Variants in R3HDM1 observed in about 807,000 individuals in gnomAD.
R3HDM1 encodes R3H domain containing 1, also known as R3H domain-containing protein 1.
In R3HDM1, 46 loss-of-function variants were observed where a neutral mutation model predicts 141.1. The ratio of observed to expected loss-of-function variants is 0.33; its 90% confidence interval spans 0.26 to 0.42. The LOEUF (loss-of-function observed/expected upper bound fraction) is 0.42, where lower values mean the gene tolerates loss of function less well. Among genes scored for constraint, R3HDM1 ranks in the 10% least tolerant of loss-of-function variants. The probability of loss-of-function intolerance (pLI) is 1.00; values close to 1 mark genes in which losing one functional copy is unlikely to be tolerated. For missense variants in R3HDM1, 1,184 were observed against 1,368.3 expected, an observed-to-expected ratio of 0.87 and a Z score of 2.12; for synonymous variants, 435 against 472.9, an observed-to-expected ratio of 0.92 and a Z score of 1.04.
chr2:135,654,427 T>TGTGTTG (rs1553605210), intron 18 of R3HDM1, among the ~76,000 whole-genome samples: 2 of 149,104 alleles, frequency 1.3e-5, no homozygotes, highest in African/African-American at 5.0e-5. Context: ...AATGTTTTCT[T>TGTGTTG]TTGTTGTTGT....
intron 1 of R3HDM1, among the ~76,000 whole-genome samples, chr2:135,554,919 T>C (rs921969455): frequency 1.3e-5 from 2 of 152,212 alleles, no homozygotes; most frequent in African/African-American, 4.8e-5. Flanking sequence ...ACTACATAAG[T>C]GGTCCATGTC....
chr2:135,605,988 A>G (rs1195710704), intron 3 of R3HDM1: 1 of 150,702 alleles, frequency 6.6e-6, no homozygotes, highest in African/African-American at 2.4e-5. Flanking sequence ...CTGGCCCACA[A>G]TTTTTTTTTT....
At chr2:135,656,456 A>G (rs965311098) in intron 18 of R3HDM1, 1 of 150,662 alleles carries the variant, frequency 6.6e-6, no homozygotes, top group African/African-American at 2.5e-5. Context: ...TGCATTTTAT[A>G]TTATTTGAAC....
rs568821912 is a variant in R3HDM1, at chr2:135,563,280, T to G, written c.-250+31647T>G. Among the ~76,000 whole-genome samples, 4 of 152,310 alleles carry G rather than the reference T, an allele frequency of 2.6e-5. No homozygotes were observed. The South Asian group carries it at 8.3e-4, about 32-fold the overall frequency. Reference sequence around the variant, plus strand: ...GCACTGCCAAAGCAAACTTAAGAATTGCCTTTTAATTTAAAGCAAGAAAAA... The same window carrying G: ...GCACTGCCAAAGCAAACTTAAGAATGGCCTTTTAATTTAAAGCAAGAAAAA... On this transcript the variant is annotated intron_variant, in intron 1 of 26. Transcript: ENST00000683871.
At chr2:135,635,587 G>A (rs10928541) in intron 9 of R3HDM1, among the ~76,000 whole-genome samples, 25,548 of 152,158 alleles carry the variant, frequency 0.17, 2,873 homozygotes, top group South Asian at 0.32. Context: ...GAAAGAGAAA[G>A]GTTAAGTAAC....
At chr2:135,595,066 A>G (rs1466883084) in intron 1 of R3HDM1, among the ~76,000 whole-genome samples, 2 of 151,986 alleles carry the variant, frequency 1.3e-5, no homozygotes, top group Admixed American at 6.6e-5. Flanking sequence ...TCTCCACCAA[A>G]TAAATAACAT....
At chr2:135,642,960 A>G (rs1284625824) in intron 15 of R3HDM1, among the ~76,000 whole-genome samples, 1 of 152,162 alleles carries the variant, frequency 6.6e-6, no homozygotes, top group Non-Finnish European at 1.5e-5. Context: ...TTATCCAGCA[A>G]GATGTAAGAT....
At position 135,638,886 on chromosome 2, in the gene R3HDM1, TA is replaced by T. The variant is rs764808059; in HGVS notation, c.993-7del. 6.2e-6 allele frequency: 10 copies of T among 1,612,712 alleles called. No individual in the cohort carries two copies. The Admixed American group carries it at 1.2e-4, about 19-fold the overall frequency. ...CATTAGCTTTTCAAGGTTTTATTTC[TA>T]AATTACAGAGTTAATAAAGATGCTT... On this transcript the variant is annotated splice_polypyrimidine_tract_variant and intron_variant, in intron 13 of 26. Transcript: ENST00000683871.
chr2:135,709,738 TC>T lies in R3HDM1; in HGVS notation c.2563+204del, dbSNP rs532179510. On this transcript the variant is annotated intron_variant, in intron 22 of 26. Coordinates refer to ENST00000683871, the MANE Select transcript of R3HDM1 (RefSeq NM_001378107.1). ...TTCTACTGCTGCTATCACAGTACTA[TC>T]CTGATTCTCCTTTCTCAGAAGTATT... Among the ~76,000 whole-genome samples the T allele has an allele frequency of 4.6e-5, 7 of 152,314 alleles. No individual in the cohort carries two copies. In the East Asian group the frequency reaches 1.4e-3, roughly 29 times the overall value.
At chr2:135,607,827 A>T in intron 3 of R3HDM1, 1 of 980,384 alleles carries the variant, frequency 1.0e-6, no homozygotes, top group Non-Finnish European at 1.2e-6. Flanking sequence ...CATTACCCAA[A>T]CCATTTATTG....
intron 21 of R3HDM1, among the ~76,000 whole-genome samples, chr2:135,681,454 A>G (rs1479247497): frequency 6.6e-6 from 1 of 152,204 alleles, no homozygotes; most frequent in Non-Finnish European, 1.5e-5. Flanking sequence ...TGTAGGAAGT[A>G]TTTATCTGGC....
chr2:135,587,628 G>T (rs1708237996), intron 1 of R3HDM1, among the ~76,000 whole-genome samples: 1 of 152,072 alleles, frequency 6.6e-6, no homozygotes, highest in African/African-American at 2.4e-5. Context: ...TTAAGCCTCA[G>T]ATTTTAAGTT....
intron 11 of R3HDM1, among the ~76,000 whole-genome samples, chr2:135,637,875 T>C (rs1230440620): frequency 3.9e-5 from 6 of 152,210 alleles, no homozygotes; most frequent in Admixed American, 3.9e-4. Flanking sequence ...TTAGGCATTG[T>C]GAGCCACATA....
intron 2 of R3HDM1, among the ~76,000 whole-genome samples, chr2:135,603,240 T>C (rs1361069593): frequency 6.6e-6 from 1 of 152,200 alleles, no homozygotes; most frequent in South Asian, 2.1e-4. Context: ...TACACCTGCC[T>C]CAGCCTCCTA....
chr2:135,558,900 A>T, intron 1 of R3HDM1: 1 of 589,434 alleles, frequency 1.7e-6, no homozygotes, highest in Non-Finnish European at 2.1e-6. Context: ...TCTTCCTTTT[A>T]GGATTCCTTA....
chr2:135,556,942 T>C (rs572718317), intron 1 of R3HDM1, among the ~76,000 whole-genome samples: 10 of 152,240 alleles, frequency 6.6e-5, no homozygotes, highest in Non-Finnish European at 8.8e-5. Flanking sequence ...CTAGATCATA[T>C]TGCTCTAGCA....
At chr2:135,660,564 G>A (rs373535871) in intron 18 of R3HDM1, among the ~76,000 whole-genome samples, 4 of 152,020 alleles carry the variant, frequency 2.6e-5, no homozygotes, top group East Asian at 1.9e-4. Flanking sequence ...TAAAATACTC[G>A]CCCAGGCTCA....
chr2:135,680,695 G>A (rs111970031), intron 21 of R3HDM1, among the ~76,000 whole-genome samples: 2 of 152,142 alleles, frequency 1.3e-5, no homozygotes, highest in East Asian at 3.9e-4. Context: ...TTTTGAACCC[G>A]GGAGGCAGAG....
chr2:135,698,164 CTT>C (rs1209614603), intron 21 of R3HDM1, among the ~76,000 whole-genome samples: 14 of 142,648 alleles, frequency 9.8e-5, no homozygotes, highest in Admixed American at 1.4e-4. Flanking sequence ...TTTCTTCTCC[CTT>C]TTTTTTTTTT....
Sources: allele counts gnomAD v4.1 joint callset (sites outside exome capture counted in the v4.1 genomes callset), GRCh38; gene constraint gnomAD v4.1.1; transcripts MANE v1.5; gene names NCBI Gene and HGNC (gene_info 2026-07-23, HGNC 2026-07-21).